The following CDKAL1 variants were observed in gnomAD, a reference collection of about 807,000 sequenced individuals.
CDKAL1 encodes the protein CDKAL1 threonylcarbamoyladenosine tRNA methylthiotransferase, also known as threonylcarbamoyladenosine tRNA methylthiotransferase.
CDKAL1 carries 32 observed loss-of-function variants against 68.2 expected under a neutral mutation model. That is an observed-to-expected ratio of 0.47 (90% CI 0.35 to 0.63). The LOEUF (loss-of-function observed/expected upper bound fraction) is 0.63, where lower values mean the gene tolerates loss of function less well. Among genes scored for constraint, CDKAL1 ranks in the 30% least tolerant of loss-of-function variants. The pLI, the probability that CDKAL1 is intolerant of heterozygous loss-of-function variation, is 0.00. For synonymous variants in CDKAL1, 234 were observed against 244.3 expected (o/e 0.96, Z 0.39); for missense variants, 606 against 696.7 (o/e 0.87, Z 1.47).
chr6:20,852,353 C>T (rs944139539), intron 9 of CDKAL1, among the ~76,000 whole-genome samples: 1 of 152,128 alleles, frequency 6.6e-6, no homozygotes, highest in Non-Finnish European at 1.5e-5. Flanking sequence ...ACTGAACCCT[C>T]AGAATTATTT....
chr6:20,546,496 A>T lies in CDKAL1; in HGVS notation c.146A>T (p.Glu49Val), dbSNP rs373486015. Residue 49 changes from glutamate to valine, a missense_variant, in exon 3 of 16, where the codon GAG becomes GTG. Transcript: ENST00000274695. ...CGAAATACCCAAAAATATTTGCAAG[A>T]GGAAGAAAACAGTCCACCAAGTGAC... The part of the protein sequence containing the change: ...RRRNTQKYLQ[E>V]EENSPPSDST... 3 of 1,614,060 alleles carry T rather than the reference A, an allele frequency of 1.9e-6. No individual in the cohort carries two copies. Among genetic ancestry groups the T allele is most frequent in the Non-Finnish European group, 2.5e-6 (3 of 1,179,972 alleles).
chr6:20,848,279 G>GTTTTTTTGGTTTTTTTTTTTTTTTTTTTT (rs753304984), intron 9 of CDKAL1, among the ~76,000 whole-genome samples: 1 of 62,286 alleles, frequency 1.6e-5, no homozygotes, highest in African/African-American at 3.6e-5. Flanking sequence ...CTGGAAAGTT[G>GTTTTTTTGGTTTTTTTTTTTTTTTTTTTT]TTTTTTTTTT....
chr6:21,071,945 G>A (rs1771793700), intron 12 of CDKAL1, among the ~76,000 whole-genome samples: 1 of 152,134 alleles, frequency 6.6e-6, no homozygotes, highest in African/African-American at 2.4e-5. Context: ...TCCATAGTGT[G>A]AATACTTCCA....
chr6:20,697,785 C>G (rs902156167), intron 5 of CDKAL1, among the ~76,000 whole-genome samples: 6 of 152,194 alleles, frequency 3.9e-5, no homozygotes, highest in Admixed American at 2.6e-4. Context: ...GACGAGTGAG[C>G]TACTTTTCTA....
intron 11 of CDKAL1, among the ~76,000 whole-genome samples, chr6:21,014,130 A>T (rs953933432): frequency 6.6e-6 from 1 of 152,212 alleles, no homozygotes; most frequent in Non-Finnish European, 1.5e-5. Context: ...GAAATTGTAC[A>T]GGACACTTCA....
rs1352605288 is a variant in CDKAL1 at position 20,748,995 on chromosome 6, G to GTATATATA, written c.468+9381_468+9382insATATATAT. Among the ~76,000 whole-genome samples, 402 of 138,120 alleles carry GTATATATA rather than the reference G, an allele frequency of 2.9e-3. 1 individual carries two copies. Among genetic ancestry groups the GTATATATA allele is most frequent in the African/African-American group, 0.011 (390 of 36,218 alleles). 90.6% of individuals were successfully genotyped at this position (138,120 alleles called of 152,430 possible). A position where few individuals can be genotyped will look rare whatever the true frequency, so the allele number is the denominator to read the frequency against. On this transcript the variant is annotated intron_variant, in intron 6 of 15. Coordinates refer to ENST00000274695, the MANE Select transcript of CDKAL1 (RefSeq NM_017774.3). ...TGTATGTGTATATATATGTATGTGTGTGTATATATATATATAAAATGTATT... is the reference window on the plus strand; with the variant it reads ...TGTATGTGTATATATATGTATGTGTGTATATATATGTATATATATATATAAAATGTATT...
chr6:20,641,310 G>A (rs149142900), intron 4 of CDKAL1, among the ~76,000 whole-genome samples: 255 of 152,148 alleles, frequency 1.7e-3, no homozygotes, highest in African/African-American at 5.8e-3. Context: ...GGAAAAAAGG[G>A]CAATGCATGC....
At chr6:21,213,005 G>A (rs1359243222) in intron 15 of CDKAL1, among the ~76,000 whole-genome samples, 3 of 152,260 alleles carry the variant, frequency 2.0e-5, no homozygotes, top group Admixed American at 6.5e-5. Context: ...ACCATCAGCC[G>A]ACTTTATCAA....
At chr6:21,209,015 T>C (rs1309458275) in intron 15 of CDKAL1, among the ~76,000 whole-genome samples, 2 of 152,216 alleles carry the variant, frequency 1.3e-5, no homozygotes, top group Non-Finnish European at 2.9e-5. Flanking sequence ...CTCCTGAGGG[T>C]TGTAGCTGGA....
intron 13 of CDKAL1, among the ~76,000 whole-genome samples, chr6:21,131,235 G>T (rs1775303307): frequency 6.6e-6 from 1 of 152,244 alleles, no homozygotes; most frequent in South Asian, 2.1e-4. Context: ...TGACTGCATT[G>T]TTCAAAATCT....
chr6:20,786,034 A>G (rs1277160238), intron 8 of CDKAL1, among the ~76,000 whole-genome samples: 1 of 152,180 alleles, frequency 6.6e-6, no homozygotes, highest in African/African-American at 2.4e-5. Context: ...CAGCCTGGCC[A>G]ACATGCTGAA....
intron 7 of CDKAL1, among the ~76,000 whole-genome samples, chr6:20,776,554 T>G (rs1333917959): frequency 6.6e-6 from 1 of 152,226 alleles, no homozygotes; most frequent in East Asian, 1.9e-4. Flanking sequence ...CGATGAAACA[T>G]GTATATAACT....
chr6:20,924,956 CAGGGTTTG>C (rs1763120031), intron 9 of CDKAL1, among the ~76,000 whole-genome samples: 2 of 152,346 alleles, frequency 1.3e-5, no homozygotes, highest in East Asian at 3.9e-4. Context: ...AGGCAGCCAG[CAGGGTTTG>C]AGAGGATTGA....
intron 9 of CDKAL1, among the ~76,000 whole-genome samples, chr6:20,942,652 C>A (rs1295660347): frequency 1.4e-5 from 2 of 147,878 alleles, no homozygotes; most frequent in African/African-American, 2.5e-5. Context: ...CAGGCGTGAG[C>A]CACCACGCCC....
intron 13 of CDKAL1, among the ~76,000 whole-genome samples, chr6:21,173,701 T>G (rs2151078098): frequency 6.6e-6 from 1 of 152,296 alleles, no homozygotes; most frequent in Non-Finnish European, 1.5e-5. Flanking sequence ...CACAAGCAAT[T>G]ACAGGAACTG....
intron 8 of CDKAL1, among the ~76,000 whole-genome samples, chr6:20,835,120 G>A (rs1459513250): frequency 1.3e-5 from 2 of 152,150 alleles, no homozygotes; most frequent in East Asian, 3.8e-4. Context: ...CTGGGCACTT[G>A]GGTAGAGGGT....
intron 4 of CDKAL1, among the ~76,000 whole-genome samples, chr6:20,614,901 G>T (rs1226683764): frequency 6.7e-6 from 1 of 148,562 alleles, no homozygotes; most frequent in African/African-American, 2.5e-5. Flanking sequence ...CTAGCATTAG[G>T]TATATCTCCC....
intron 5 of CDKAL1, among the ~76,000 whole-genome samples, chr6:20,736,340 G>T (rs1471827867): frequency 1.3e-5 from 2 of 152,094 alleles, no homozygotes; most frequent in Non-Finnish European, 2.9e-5. Flanking sequence ...TTGACTTTTG[G>T]TCCCTTTATA....
chr6:20,551,143 G>A (rs1259509112), intron 4 of CDKAL1, among the ~76,000 whole-genome samples: 1 of 152,038 alleles, frequency 6.6e-6, no homozygotes, highest in Non-Finnish European at 1.5e-5. Flanking sequence ...GGGATTACAG[G>A]CGTGAGCCAC....
Sources: gnomAD v4.1 joint callset for allele counts (sites outside exome capture counted in the v4.1 genomes callset) on GRCh38, gnomAD v4.1.1 for gene constraint, MANE v1.5 for transcripts, NCBI Gene and HGNC (gene_info 2026-07-23, HGNC 2026-07-21) for gene names.